NEU3: variants seen among roughly 807,000 people sequenced by gnomAD.
NEU3 encodes neuraminidase 3.
Under a neutral mutation model 11.4 loss-of-function variants are expected in NEU3, and 10 were observed. The observed-to-expected ratio is 0.88, with a 90% CI of 0.54 to 1.49. The LOEUF (loss-of-function observed/expected upper bound fraction) is 1.49. Among genes scored for constraint, NEU3 ranks in the 40% most tolerant of loss-of-function variants. The pLI, the probability that NEU3 is intolerant of heterozygous loss-of-function variation, is 0.00. For synonymous variants in NEU3, 212 were observed against 228.2 expected, an observed-to-expected ratio of 0.93 and a Z score of 0.64; for missense variants, 529 against 581.8, an observed-to-expected ratio of 0.91 and a Z score of 0.93.
At chr11:75,005,099 AGT>A (rs143168965) in intron 2 of NEU3, among the ~76,000 whole-genome samples, 3,746 of 152,172 alleles carry the variant, frequency 0.025, 159 homozygotes, top group African/African-American at 0.085. Context: ...AGGGGAGGAG[AGT>A]GAGTTTCATG....
At chr11:74,996,594 T>G (rs1948793071) in intron 2 of NEU3, among the ~76,000 whole-genome samples, 1 of 152,184 alleles carries the variant, frequency 6.6e-6, no homozygotes, top group Non-Finnish European at 1.5e-5. Flanking sequence ...CTTCTCAATG[T>G]CTCTTAATGT....
intron 3 of NEU3, among the ~76,000 whole-genome samples, chr11:75,015,956 C>A (rs1472505844): frequency 6.6e-6 from 1 of 152,216 alleles, no homozygotes; most frequent in African/African-American, 2.4e-5. Flanking sequence ...ACCCATACAG[C>A]TGGTCTGTAA....
chr11:74,995,199 C>T (rs544191636), intron 2 of NEU3, among the ~76,000 whole-genome samples: 4 of 152,298 alleles, frequency 2.6e-5, no homozygotes, highest in African/African-American at 7.2e-5. Context: ...AGGTAAGTAA[C>T]TTGCTCAGGA....
intron 2 of NEU3, chr11:74,994,978 G>A (rs1337811914): frequency 3.2e-6 from 2 of 625,102 alleles, no homozygotes; most frequent in African/African-American, 3.7e-5. Context: ...ACTCAGAGAG[G>A]TTGCCATTTG....
chr11:75,019,459 G>A (rs1222080459), downstream of NEU3, among the ~76,000 whole-genome samples: 1 of 152,220 alleles, frequency 6.6e-6, no homozygotes, highest in African/African-American at 2.4e-5. Context: ...GGCTGAAAGG[G>A]GCCAATGTAG....
At chr11:75,016,027 G>T (rs1948979582) in intron 3 of NEU3, among the ~76,000 whole-genome samples, 1 of 152,220 alleles carries the variant, frequency 6.6e-6, no homozygotes, top group South Asian at 2.1e-4. Flanking sequence ...AGTTACTTGG[G>T]CTGCCAAGGA....
chr11:74,987,756 T>C (rs2140228842), upstream of NEU3, among the ~76,000 whole-genome samples: 1 of 151,962 alleles, frequency 6.6e-6, no homozygotes, highest in Non-Finnish European at 1.5e-5. Context: ...GAGCTTGCAG[T>C]GAGCCAAGAT....
chr11:74,989,092 TGGAAGAATCCCCG>T lies in NEU3; in HGVS notation c.34_46del (p.Glu12ArgfsTer22). On this transcript the variant is annotated frameshift_variant, in exon 1 of 3. Transcript: ENST00000294064. LOFTEE classifies it high-confidence loss of function. ...CCTGCGGACCTGCCCCCGCGCCCCA[TGGAAGAATCCCCG>T]GCGTCCAGCTCTGCCCCGACAGAGA... The T allele has an allele frequency of 4.5e-6, 7 of 1,550,736 alleles. No individual in the cohort carries two copies. The highest frequency in any genetic ancestry group is 5.2e-6 in the Non-Finnish European group (6 of 1,146,864).
chr11:75,012,895 G>A (rs944403704), downstream of NEU3, among the ~76,000 whole-genome samples: 2 of 152,192 alleles, frequency 1.3e-5, no homozygotes, highest in Admixed American at 1.3e-4. Flanking sequence ...TCTTAAGTGA[G>A]GCAACACAAT....
At chr11:74,999,730 T>C (rs1948824749) in intron 2 of NEU3, among the ~76,000 whole-genome samples, 1 of 152,246 alleles carries the variant, frequency 6.6e-6, no homozygotes, top group Admixed American at 6.5e-5. Context: ...CTGGTTTTTA[T>C]GTGTGAATGA....
rs771611149 is a variant in NEU3 at position 74,994,642 on chromosome 11, G to A, written c.228G>A (p.Glu76=). ...CCCACACCTTCCTGGCCTTTGCAGA[G>A]AAGCGTTCTACGAGGAGAGATGAGG... ...PPTHTFLAFA[E]KRSTRRDEDA... Residue 76 remains glutamate, a synonymous_variant, in exon 2 of 3, where the codon GAG becomes GAA. Transcript: ENST00000294064. 5 of 1,614,030 alleles carry A rather than the reference G, an allele frequency of 3.1e-6. No individual in the cohort carries two copies. The highest frequency in any genetic ancestry group is 3.4e-6 in the Non-Finnish European group (4 of 1,179,896).
Position 74,994,593 on chromosome 11 carries a change from CA to C in NEU3, c.180del (p.Ala61ProfsTer31). 2 of 1,613,984 alleles carry C rather than the reference CA, an allele frequency of 1.2e-6. No homozygotes were observed. Among genetic ancestry groups the C allele is most frequent in the Non-Finnish European group, 1.7e-6 (2 of 1,179,868 alleles). On this transcript the variant is annotated frameshift_variant, in exon 2 of 3. Coordinates refer to ENST00000294064, the MANE Select transcript of NEU3 (RefSeq NM_006656.6). LOFTEE classifies it high-confidence loss of function. ...GACAGAGGGATTACCTACCGGATCCCAGCCCTGCTCTACATACCCCCCACCC... is the reference window on the plus strand; with the variant it reads ...GACAGAGGGATTACCTACCGGATCCCGCCCTGCTCTACATACCCCCCACCC... ...EDDRGITYRI[P>X]ALLYIPPTHT... is the part of the protein sequence containing the mutation.
intron 2 of NEU3, chr11:74,994,961 A>G (rs912996012): frequency 6.2e-6 from 4 of 641,526 alleles, no homozygotes; most frequent in African/African-American, 5.4e-5. Flanking sequence ...CAGACAAGGA[A>G]ACTGAGACTC....
At chr11:75,010,925 T>G (rs748543243), downstream of NEU3, 30 of 152,112 alleles carry the variant, frequency 2.0e-4, no homozygotes, top group Admixed American at 3.9e-4. Flanking sequence ...TTTTTTTTTC[T>G]TAAACTATAA....
At chr11:74,994,947 T>C in intron 2 of NEU3, 1 of 655,986 alleles carries the variant, frequency 1.5e-6, no homozygotes, top group African/African-American at 1.8e-5. Flanking sequence ...TCAGTCATAT[T>C]TTACAGACAA....
At chr11:75,001,665 T>TAAAACAA (rs1948845531) in intron 2 of NEU3, among the ~76,000 whole-genome samples, 1 of 152,250 alleles carries the variant, frequency 6.6e-6, no homozygotes, top group Non-Finnish European at 1.5e-5. Flanking sequence ...CAGCTTGTTT[T>TAAAACAA]ATATGTCCCA....
At chr11:75,000,252 C>G (rs993157341) in intron 2 of NEU3, among the ~76,000 whole-genome samples, 1 of 152,144 alleles carries the variant, frequency 6.6e-6, no homozygotes, top group Non-Finnish European at 1.5e-5. Flanking sequence ...TAAAATACAT[C>G]TAACATAAAT....
At chr11:74,995,126 A>T (rs964019633) in intron 2 of NEU3, 1 of 474,864 alleles carries the variant, frequency 2.1e-6, no homozygotes, top group Non-Finnish European at 3.7e-6. Context: ...ATCCTCATAA[A>T]TCACCCAGGG....
intron 2 of NEU3, 188 bp downstream of exon 2, chr11:74,994,908 ACAGC>A: frequency 1.4e-6 from 1 of 701,660 alleles, no homozygotes; most frequent in South Asian, 1.5e-5. Context: ...TTGGGTCCTC[ACAGC>A]CATTCTGTGT....
Sources: gnomAD v4.1 joint callset for allele counts (sites outside exome capture counted in the v4.1 genomes callset) on GRCh38, gnomAD v4.1.1 for gene constraint, MANE v1.5 for transcripts, NCBI Gene and HGNC (gene_info 2026-07-23, HGNC 2026-07-21) for gene names.